The following DCDC1 variants were observed in gnomAD, a reference collection of about 807,000 sequenced individuals.
DCDC1 encodes doublecortin domain-containing protein 1.
In DCDC1, 200 loss-of-function variants were observed where a neutral mutation model predicts 178.3. The observed-to-expected ratio is 1.12, with a 90% CI of 1.00 to 1.26. The LOEUF is 1.26. Ranked by LOEUF, DCDC1 falls within the 50% of genes most tolerant of loss-of-function variation. DCDC1 has a pLI of 0.00. For synonymous variants in DCDC1, 690 were observed against 604.8 expected, an observed-to-expected ratio of 1.14 and a Z score of -2.07; for missense variants, 1,983 against 1,749.2, an observed-to-expected ratio of 1.13 and a Z score of -2.38.
At chr11:31,218,384 C>G (rs917523789) in intron 9 of DCDC1, among the ~76,000 whole-genome samples, 3 of 152,074 alleles carry the variant, frequency 2.0e-5, no homozygotes, top group African/African-American at 7.2e-5. Flanking sequence ...CAATCACTTC[C>G]TTTTCAAATC....
At chr11:31,172,337 A>G (rs182309759) in intron 9 of DCDC1, among the ~76,000 whole-genome samples, 1 of 152,286 alleles carries the variant, frequency 6.6e-6, no homozygotes, top group African/African-American at 2.4e-5. Flanking sequence ...TAGGGGTCAT[A>G]TATTAATTTT....
At chr11:30,899,668 T>C in intron 33 of DCDC1, 26 bp from the exon 34 acceptor site, 1 of 1,459,934 alleles carries the variant, frequency 6.8e-7, no homozygotes, top group African/African-American at 1.4e-5. Flanking sequence ...TACAAGATAT[T>C]TTATCAACAG....
intron 9 of DCDC1, among the ~76,000 whole-genome samples, chr11:31,179,520 G>C (rs1486190502): frequency 2.0e-5 from 3 of 152,202 alleles, no homozygotes; most frequent in Non-Finnish European, 4.4e-5. Flanking sequence ...GCTGTCATTT[G>C]TGACAATGTG....
At chr11:30,894,133 A>G in intron 35 of DCDC1, 115 bp downstream of exon 35, 1 of 1,398,242 alleles carries the variant, frequency 7.2e-7, no homozygotes, top group Non-Finnish European at 9.5e-7. Flanking sequence ...ATATGGTCAT[A>G]ACTGATCAGA....
At chr11:31,041,409 G>A (rs554427721) in intron 20 of DCDC1, among the ~76,000 whole-genome samples, 5 of 152,246 alleles carry the variant, frequency 3.3e-5, no homozygotes, top group Admixed American at 1.3e-4. Context: ...AGCAACTTAC[G>A]TTACACTGAC....
At chr11:31,196,885 A>G (rs1970753432) in intron 9 of DCDC1, among the ~76,000 whole-genome samples, 2 of 152,126 alleles carry the variant, frequency 1.3e-5, no homozygotes, top group Admixed American at 1.3e-4. Context: ...GCTGTAGTCC[A>G]GGGACCCCAG....
intron 12 of DCDC1, among the ~76,000 whole-genome samples, chr11:31,107,908 A>G (rs1482335771): frequency 2.6e-5 from 4 of 152,182 alleles, no homozygotes; most frequent in African/African-American, 9.6e-5. Context: ...GCAGGGATGT[A>G]GATATAGCTG....
chr11:31,299,926 C>A (rs904981450), intron 6 of DCDC1, among the ~76,000 whole-genome samples: 2 of 152,072 alleles, frequency 1.3e-5, no homozygotes, highest in Admixed American at 6.5e-5. Context: ...GGCATGATCT[C>A]GGCTCACTGC....
intron 20 of DCDC1, among the ~76,000 whole-genome samples, chr11:31,033,047 T>G (rs745906281): frequency 2.0e-5 from 3 of 152,142 alleles, no homozygotes; most frequent in Non-Finnish European, 4.4e-5. Flanking sequence ...CCATCCCAGC[T>G]GTTTAGAGAG....
At chr11:31,148,336 C>T (rs1209494432) in intron 9 of DCDC1, among the ~76,000 whole-genome samples, 1 of 151,366 alleles carries the variant, frequency 6.6e-6, no homozygotes, top group Non-Finnish European at 1.5e-5. Flanking sequence ...CACGTGAGCT[C>T]AGGAGTTCGA....
intron 20 of DCDC1, among the ~76,000 whole-genome samples, chr11:31,010,579 A>G (rs1473584530): frequency 2.0e-5 from 3 of 152,148 alleles, no homozygotes; most frequent in Non-Finnish European, 2.9e-5. Flanking sequence ...GCCATTTTCT[A>G]TTTGTTGGAA....
intron 22 of DCDC1, 68 bp downstream of exon 22, chr11:30,931,703 T>A (rs893899455): frequency 4.9e-6 from 7 of 1,430,934 alleles, no homozygotes; most frequent in Non-Finnish European, 6.5e-6. Context: ...AAAACATCCA[T>A]AATTAAGAAC....
At chr11:31,251,270 A>G (rs1011480516) in intron 8 of DCDC1, among the ~76,000 whole-genome samples, 4 of 152,224 alleles carry the variant, frequency 2.6e-5, no homozygotes, top group Non-Finnish European at 4.4e-5. Context: ...ATACCCATCT[A>G]TAATGCCTAC....
At chr11:31,089,748 T>C (rs971356106) in intron 17 of DCDC1, among the ~76,000 whole-genome samples, 1 of 152,146 alleles carries the variant, frequency 6.6e-6, no homozygotes, top group Non-Finnish European at 1.5e-5. Flanking sequence ...CTTTGTCTCA[T>C]ATATTGTAGT....
At chr11:31,264,059 A>G (rs1457911898) in intron 8 of DCDC1, among the ~76,000 whole-genome samples, 1 of 152,212 alleles carries the variant, frequency 6.6e-6, no homozygotes, top group East Asian at 1.9e-4. Context: ...AAGATGAGCT[A>G]CTTTTAATAG....
intron 9 of DCDC1, among the ~76,000 whole-genome samples, chr11:31,213,101 CTCTCTCTCTCT>C (rs1565441741): frequency 1.9e-4 from 2 of 10,760 alleles, no homozygotes; most frequent in Non-Finnish European, 2.9e-4. Flanking sequence ...AAAGCCCAGC[CTCTCTCTCTCT>C]CTCTCTCTCT....
chr11:31,036,976 GTA>G (rs1456215672), intron 20 of DCDC1, among the ~76,000 whole-genome samples: 1 of 152,088 alleles, frequency 6.6e-6, no homozygotes, highest in Non-Finnish European at 1.5e-5. Flanking sequence ...AGATAGAGAG[GTA>G]AGTAACATGC....
intron 38 of DCDC1, among the ~76,000 whole-genome samples, chr11:30,868,625 T>C (rs539986179): frequency 1.3e-5 from 2 of 152,240 alleles, no homozygotes; most frequent in South Asian, 4.1e-4. Context: ...AAAGAGCTCA[T>C]GGCAGTTTCA....
intron 20 of DCDC1, among the ~76,000 whole-genome samples, chr11:30,985,613 C>G (rs1342819444): frequency 6.6e-6 from 1 of 152,084 alleles, no homozygotes; most frequent in Non-Finnish European, 1.5e-5. Flanking sequence ...TCACTTTACC[C>G]TTACTAAAAG....
Sources: gnomAD v4.1 joint callset for allele counts (sites outside exome capture counted in the v4.1 genomes callset) on GRCh38, gnomAD v4.1.1 for gene constraint, MANE v1.5 for transcripts, NCBI Gene and HGNC (gene_info 2026-07-23, HGNC 2026-07-21) for gene names.